Variants in CNTNAP2 observed in about 807,000 individuals in gnomAD.
The protein encoded by CNTNAP2 is contactin-associated protein-like 2.
Under a neutral mutation model 155.2 loss-of-function variants are expected in CNTNAP2, and 98 were observed. The ratio of observed to expected loss-of-function variants is 0.63; its 90% CI spans 0.54 to 0.75. CNTNAP2 has a LOEUF of 0.75. CNTNAP2 is among the 30% of genes least tolerant of loss of function. The pLI is 0.00. For synonymous variants in CNTNAP2, 651 were observed against 631.2 expected (o/e 1.03, Z -0.47); for missense variants, 1,727 against 1,688.1 (o/e 1.02, Z -0.40).
intron 1 of CNTNAP2, among the ~76,000 whole-genome samples, chr7:146,357,332 A>G (rs189089343): frequency 2.0e-5 from 3 of 151,952 alleles, no homozygotes; most frequent in Non-Finnish European, 2.9e-5. Context: ...GACCCTAATC[A>G]TTGCTTTTTT....
At chr7:146,386,743 C>G (rs1795467262) in intron 1 of CNTNAP2, among the ~76,000 whole-genome samples, 1 of 152,170 alleles carries the variant, frequency 6.6e-6, no homozygotes, top group Non-Finnish European at 1.5e-5. Flanking sequence ...GCCTCATTTT[C>G]ATATTGGCTA....
intron 1 of CNTNAP2, among the ~76,000 whole-genome samples, chr7:146,657,070 CTCTG>C (rs1800007864): frequency 6.6e-6 from 1 of 152,156 alleles, no homozygotes; most frequent in South Asian, 2.1e-4. Context: ...ATCTCTCTCT[CTCTG>C]TAGCTCTCTC....
intron 20 of CNTNAP2, among the ~76,000 whole-genome samples, chr7:148,259,522 A>T (rs1796518315): frequency 6.6e-6 from 1 of 152,248 alleles, no homozygotes; most frequent in Non-Finnish European, 1.5e-5. Flanking sequence ...TAGGAAAAAC[A>T]GCAAGAAATC....
intron 3 of CNTNAP2, among the ~76,000 whole-genome samples, chr7:146,899,553 T>C (rs1285878111): frequency 6.6e-6 from 1 of 152,206 alleles, no homozygotes; most frequent in African/African-American, 2.4e-5. Flanking sequence ...ACAATTCAGT[T>C]TATTTCTACC....
intron 1 of CNTNAP2, among the ~76,000 whole-genome samples, chr7:146,519,816 T>G (rs984286133): frequency 1.3e-5 from 2 of 151,892 alleles, no homozygotes; most frequent in Admixed American, 6.6e-5. Flanking sequence ...CTTTGGTCTG[T>G]AAATTCAGTA....
intron 16 of CNTNAP2, among the ~76,000 whole-genome samples, chr7:148,121,172 T>G (rs1330621274): frequency 6.6e-6 from 1 of 152,046 alleles, no homozygotes; most frequent in Non-Finnish European, 1.5e-5. Flanking sequence ...GTAGCTGGGA[T>G]TACAGGGGCC....
chr7:146,236,622 T>C (rs1799477587), intron 1 of CNTNAP2, among the ~76,000 whole-genome samples: 1 of 152,178 alleles, frequency 6.6e-6, no homozygotes, highest in Non-Finnish European at 1.5e-5. Context: ...AGGTTTTCTT[T>C]TTAATATAGA....
At chr7:148,193,678 G>A (rs1795233400) in intron 18 of CNTNAP2, among the ~76,000 whole-genome samples, 1 of 151,898 alleles carries the variant, frequency 6.6e-6, no homozygotes, top group Non-Finnish European at 1.5e-5. Context: ...TCTGGCTTGG[G>A]TATTCCACAC....
intron 19 of CNTNAP2, among the ~76,000 whole-genome samples, chr7:148,220,837 G>T (rs565094591): frequency 1.3e-5 from 2 of 152,266 alleles, no homozygotes; most frequent in Admixed American, 6.5e-5. Context: ...TATTTCTCCT[G>T]GATCAGGGTC....
At chr7:147,948,489 A>G (rs1334539790) in intron 14 of CNTNAP2, among the ~76,000 whole-genome samples, 1 of 148,008 alleles carries the variant, frequency 6.8e-6, no homozygotes, top group African/African-American at 2.4e-5. Context: ...AAATAAATGA[A>G]ATAAAATTTT....
At chr7:148,232,070 A>G (rs1341352110) in intron 20 of CNTNAP2, among the ~76,000 whole-genome samples, 1 of 152,040 alleles carries the variant, frequency 6.6e-6, no homozygotes, top group African/African-American at 2.4e-5. Flanking sequence ...GAATGTCCCA[A>G]CCCACGTGAG....
In CNTNAP2 at chr7:148,275,057, T is replaced by A. The variant is rs1796849148; in HGVS notation, c.3475+7931T>A. On this transcript the variant is annotated intron_variant, in intron 21 of 23. Transcript: ENST00000361727. ...TGTCAGATGCCAGGCATTGTATAAG[T>A]CCCTGGAACATCATTAGGGTCCAAG... is the stretch of plus-strand genomic sequence containing the variant. Among the ~76,000 whole-genome samples the A allele has an allele frequency of 2.6e-5, 4 of 152,300 alleles. No individual in the cohort carries two copies. The South Asian group carries it at 8.3e-4, about 32-fold the overall frequency.
chr7:147,053,478 A>G (rs1028449154), intron 4 of CNTNAP2, among the ~76,000 whole-genome samples: 7 of 152,130 alleles, frequency 4.6e-5, no homozygotes, highest in Admixed American at 1.3e-4. Context: ...TTGGAGAACT[A>G]TTTAATATGT....
At chr7:147,071,105 T>C (rs1860478) in intron 4 of CNTNAP2, among the ~76,000 whole-genome samples, 92,129 of 151,938 alleles carry the variant, frequency 0.61, 29,196 homozygotes, top group East Asian at 0.75. Flanking sequence ...ACATTCCTTT[T>C]ATTTTGCTGT....
intron 8 of CNTNAP2, among the ~76,000 whole-genome samples, chr7:147,285,320 C>T (rs1171995560): frequency 6.6e-6 from 1 of 151,776 alleles, no homozygotes; most frequent in Non-Finnish European, 1.5e-5. Flanking sequence ...TCGTGTTACC[C>T]AGTAAACACA....
intron 1 of CNTNAP2, among the ~76,000 whole-genome samples, chr7:146,473,572 CT>C (rs1796831044): frequency 1.3e-5 from 2 of 152,072 alleles, no homozygotes; most frequent in Admixed American, 1.3e-4. Flanking sequence ...TTCTTTCTTT[CT>C]TGGATATTGT....
In CNTNAP2 at chr7:148,418,648, T is replaced by G. The variant is rs868538311; in HGVS notation, c.*3032T>G. On this transcript the variant is annotated 3_prime_UTR_variant, in exon 24 of 24. Coordinates refer to ENST00000361727, the MANE Select transcript of CNTNAP2 (RefSeq NM_014141.6). ...AGCTCAAGAAAGCTGGTCCAGGAGGTTGAAAAAGCTATTTTGTTGTTAAAT... is the reference window on the plus strand; with the variant it reads ...AGCTCAAGAAAGCTGGTCCAGGAGGGTGAAAAAGCTATTTTGTTGTTAAAT... 1 of 152,218 alleles carries G rather than the reference T, an allele frequency of 6.6e-6. No homozygotes were observed. The highest frequency in any genetic ancestry group is 1.9e-4 in the East Asian group (1 of 5,204). The allele number at this position is 152,218 out of a possible 1,614,324, so 9.4% of individuals were successfully genotyped here. A position where few individuals can be genotyped will look rare whatever the true frequency, so the allele number is the denominator to read the frequency against.
At chr7:147,418,090 C>T (rs1312375065) in intron 10 of CNTNAP2, among the ~76,000 whole-genome samples, 2 of 152,128 alleles carry the variant, frequency 1.3e-5, no homozygotes, top group Non-Finnish European at 2.9e-5. Context: ...TATGCCAATA[C>T]CCACTGTTTT....
intron 14 of CNTNAP2, among the ~76,000 whole-genome samples, chr7:147,961,342 T>C (rs186106937): frequency 6.6e-6 from 1 of 152,312 alleles, no homozygotes; most frequent in East Asian, 1.9e-4. Flanking sequence ...CCTGGAGAAG[T>C]AGGAATCTCT....
Sources: allele counts gnomAD v4.1 joint callset (sites outside exome capture counted in the v4.1 genomes callset), GRCh38; gene constraint gnomAD v4.1.1; transcripts MANE v1.5; gene names NCBI Gene and HGNC (gene_info 2026-07-23, HGNC 2026-07-21).